Variants in NRG3 observed in about 807,000 individuals in gnomAD.
NRG3 encodes the protein neuregulin 3.
A neutral mutation model predicts 66.9 loss-of-function variants in NRG3; 31 were observed. The ratio of observed to expected loss-of-function variants is 0.46; its 90% confidence interval spans 0.35 to 0.63. NRG3 has a LOEUF of 0.63. Among genes scored for constraint, NRG3 ranks in the 20% least tolerant of loss-of-function variants. NRG3 has a pLI of 0.00. For missense variants in NRG3, 910 were observed against 878.9 expected, an observed-to-expected ratio of 1.04 and a Z score of -0.45; for synonymous variants, 393 against 359.4, an observed-to-expected ratio of 1.09 and a Z score of -1.06.
In NRG3 at chr10:82,117,072, C is replaced by T. The variant is rs189612490; in HGVS notation, c.823+240909C>T. Among the ~76,000 whole-genome samples, 144 of 152,226 alleles carry T rather than the reference C, an allele frequency of 9.5e-4. No homozygotes were observed. In the East Asian group the frequency reaches 0.024, roughly 26 times the overall value. ...CCACTTTTCTGTCTGGGATTCCTTT[C>T]CATCTGGTCCACCTTAGATGGCCGA... On this transcript the variant is annotated intron_variant, in intron 1 of 8. Transcript: ENST00000372141.
At chr10:82,395,179 G>C (rs143720370) in intron 2 of NRG3, among the ~76,000 whole-genome samples, 4 of 152,166 alleles carry the variant, frequency 2.6e-5, no homozygotes, top group Non-Finnish European at 4.4e-5. Flanking sequence ...ACGCGTAAAT[G>C]CAAGATCAGC....
chr10:82,835,166 G>C (rs1405990475), intron 3 of NRG3, among the ~76,000 whole-genome samples: 1 of 152,106 alleles, frequency 6.6e-6, no homozygotes, highest in Non-Finnish European at 1.5e-5. Flanking sequence ...TCTTATATCA[G>C]AGCAAAGTAT....
chr10:82,607,796 A>G (rs1171924031), intron 2 of NRG3, among the ~76,000 whole-genome samples: 3 of 152,024 alleles, frequency 2.0e-5, no homozygotes, highest in Non-Finnish European at 4.4e-5. Flanking sequence ...ATACATTTAT[A>G]AACAATCCAA....
At chr10:82,331,091 G>A (rs1020577324) in intron 1 of NRG3, among the ~76,000 whole-genome samples, 1 of 152,128 alleles carries the variant, frequency 6.6e-6, no homozygotes, top group Non-Finnish European at 1.5e-5. Context: ...CTGACCTGAG[G>A]ACTCAGCTCT....
chr10:82,178,596 T>C (rs926773308), intron 1 of NRG3, among the ~76,000 whole-genome samples: 4 of 152,186 alleles, frequency 2.6e-5, no homozygotes, highest in African/African-American at 9.7e-5. Flanking sequence ...ATTGTATGTA[T>C]TTACAAAATG....
intron 1 of NRG3, among the ~76,000 whole-genome samples, chr10:82,106,508 C>CTT (rs542988401): frequency 7.0e-5 from 10 of 142,520 alleles, no homozygotes; most frequent in Non-Finnish European, 9.2e-5. Context: ...CATAATTAGA[C>CTT]TTTTTTTTTT....
intron 1 of NRG3, among the ~76,000 whole-genome samples, chr10:81,984,108 C>G (rs988658280): frequency 6.6e-6 from 1 of 152,016 alleles, no homozygotes; most frequent in Non-Finnish European, 1.5e-5. Context: ...GGGAAAGAGT[C>G]TCCCTTCAAA....
At chr10:82,227,926 TAA>T (rs1477619763) in intron 1 of NRG3, among the ~76,000 whole-genome samples, 2 of 152,150 alleles carry the variant, frequency 1.3e-5, no homozygotes, top group East Asian at 3.9e-4. Flanking sequence ...CCACTTAATT[TAA>T]GTTTCCTCAA....
intron 1 of NRG3, among the ~76,000 whole-genome samples, chr10:82,330,482 A>C (rs2082091038): frequency 6.6e-6 from 1 of 152,206 alleles, no homozygotes. Flanking sequence ...GTATGACTCC[A>C]AATGTAATTT....
At chr10:81,991,736 A>C (rs921492020) in intron 1 of NRG3, among the ~76,000 whole-genome samples, 4 of 152,172 alleles carry the variant, frequency 2.6e-5, no homozygotes, top group Non-Finnish European at 4.4e-5. Context: ...ATATTTAATA[A>C]TAATAGAAAT....
intron 1 of NRG3, chr10:82,340,946 A>G (rs974323882): frequency 2.6e-5 from 4 of 152,146 alleles, no homozygotes; most frequent in African/African-American, 9.7e-5. Context: ...CAGGGTGACT[A>G]TAGTCAATAA....
At chr10:82,181,846 G>T (rs2073441861) in intron 1 of NRG3, among the ~76,000 whole-genome samples, 1 of 151,726 alleles carries the variant, frequency 6.6e-6, no homozygotes, top group African/African-American at 2.4e-5. Context: ...TATTGAAAGT[G>T]GGTATTGAAA....
intron 1 of NRG3, among the ~76,000 whole-genome samples, chr10:82,311,544 A>T (rs1217329397): frequency 6.6e-6 from 1 of 152,204 alleles, no homozygotes; most frequent in South Asian, 2.1e-4. Context: ...AAAAAACCGA[A>T]TAGCAACAAC....
chr10:82,387,331 G>T (rs2086065719), intron 2 of NRG3, among the ~76,000 whole-genome samples: 1 of 152,060 alleles, frequency 6.6e-6, no homozygotes, highest in Non-Finnish European at 1.5e-5. Context: ...TATTTTCAAG[G>T]AAAGAATGGA....
intron 2 of NRG3, among the ~76,000 whole-genome samples, chr10:82,403,782 T>C (rs962820190): frequency 6.6e-6 from 1 of 152,132 alleles, no homozygotes; most frequent in African/African-American, 2.4e-5. Context: ...AACTCTCCTT[T>C]ATCAGACCTG....
chr10:81,963,045 G>A (rs1164717478), intron 1 of NRG3, among the ~76,000 whole-genome samples: 1 of 150,846 alleles, frequency 6.6e-6, no homozygotes, highest in East Asian at 2.0e-4. Flanking sequence ...TTGGGTGAGT[G>A]ACAAGTCACA....
intron 3 of NRG3, among the ~76,000 whole-genome samples, chr10:82,779,416 T>G (rs2060031969): frequency 6.6e-6 from 1 of 152,176 alleles, no homozygotes. Flanking sequence ...ACAGGGGCTC[T>G]TCACGGACCT....
intron 1 of NRG3, among the ~76,000 whole-genome samples, chr10:82,066,404 A>T (rs900452480): frequency 6.6e-6 from 1 of 152,214 alleles, no homozygotes; most frequent in East Asian, 1.9e-4. Context: ...AAATTTGTAG[A>T]CATGCCTATG....
At chr10:82,024,550 T>C (rs2062208759) in intron 1 of NRG3, among the ~76,000 whole-genome samples, 1 of 152,064 alleles carries the variant, frequency 6.6e-6, no homozygotes, top group African/African-American at 2.4e-5. Context: ...ATAGTGCTTA[T>C]GGAACTGTTG....
Sources: gnomAD v4.1 joint callset for allele counts (sites outside exome capture counted in the v4.1 genomes callset) on GRCh38, gnomAD v4.1.1 for gene constraint, MANE v1.5 for transcripts, NCBI Gene and HGNC (gene_info 2026-07-23, HGNC 2026-07-21) for gene names.